NAALADL2: variants seen among roughly 807,000 people sequenced by gnomAD.
NAALADL2 encodes the protein inactive N-acetylated-alpha-linked acidic dipeptidase-like protein 2.
NAALADL2 carries 76 observed loss-of-function variants against 87.2 expected under a neutral mutation model. The observed-to-expected ratio is 0.87, with a 90% CI of 0.72 to 1.05. The LOEUF is 1.05. Ranked by LOEUF, NAALADL2 falls within the 50% of genes least tolerant of loss-of-function variation. The pLI is 0.00. For synonymous variants in NAALADL2, 354 were observed against 331.0 expected, an observed-to-expected ratio of 1.07 and a Z score of -0.75; for missense variants, 1,089 against 945.8, an observed-to-expected ratio of 1.15 and a Z score of -1.99.
intron 5 of NAALADL2, among the ~76,000 whole-genome samples, chr3:175,383,442 G>A (rs12638808): frequency 0.21 from 32,186 of 151,772 alleles, 4,110 homozygotes; most frequent in East Asian, 0.49. Flanking sequence ...AACATTCAAA[G>A]CCTACTCCTT....
At chr3:175,564,162 A>G (rs1716732576) in intron 9 of NAALADL2, among the ~76,000 whole-genome samples, 1 of 152,020 alleles carries the variant, frequency 6.6e-6, no homozygotes, top group Non-Finnish European at 1.5e-5. Flanking sequence ...GTGCCCTCCT[A>G]AAATTAAACG....
At chr3:175,494,420 G>A (rs111246595) in intron 9 of NAALADL2, among the ~76,000 whole-genome samples, 3,732 of 152,148 alleles carry the variant, frequency 0.025, 154 homozygotes, top group African/African-American at 0.081. Flanking sequence ...AAATAAACCT[G>A]TAGCTTCAGG....
chr3:174,834,834 A>T (rs538560308), intron 3 of NAALADL2, among the ~76,000 whole-genome samples: 1 of 126,234 alleles, frequency 7.9e-6, no homozygotes, highest in African/African-American at 2.9e-5. Flanking sequence ...GTTAGAAGAC[A>T]ATATTTTGAA....
At chr3:175,224,268 G>A (rs62285895) in intron 2 of NAALADL2, among the ~76,000 whole-genome samples, 61 of 152,026 alleles carry the variant, frequency 4.0e-4, no homozygotes, top group Non-Finnish European at 7.6e-4. Context: ...TGTTTCCAGC[G>A]GACTGTGATA....
At chr3:175,553,163 A>G (rs1714706405) in intron 9 of NAALADL2, among the ~76,000 whole-genome samples, 1 of 152,158 alleles carries the variant, frequency 6.6e-6, no homozygotes, top group African/African-American at 2.4e-5. Flanking sequence ...GAAATAACTC[A>G]TCTCATATCT....
chr3:175,639,571 C>T (rs991485226), intron 11 of NAALADL2, among the ~76,000 whole-genome samples: 4 of 151,980 alleles, frequency 2.6e-5, no homozygotes, highest in East Asian at 1.9e-4. Context: ...CCGCCCACCT[C>T]GGCCTCCCAA....
intron 3 of NAALADL2, among the ~76,000 whole-genome samples, chr3:174,845,853 T>C (rs1438220771): frequency 6.6e-6 from 1 of 152,146 alleles, no homozygotes; most frequent in Admixed American, 6.5e-5. Context: ...GCATGTTAAC[T>C]TAGTGGAATG....
rs192980349 is a variant in NAALADL2, at chr3:175,256,476, C to T, written c.885C>T (p.Asn295=). ...TAAAAAGGATTAGGAAAATAAAAAA[C>T]GTAACAAATCAGATCGCACTCCTGA... ...DDLKRIRKIK[N]VTNQIALLKL... is the part of the protein sequence containing the mutation. The change falls in exon 4 of 14, where the codon AAC becomes AAT. Residue 295 remains asparagine, a synonymous_variant. Transcript: ENST00000454872. 1.8e-3 allele frequency: 2,950 copies of T among 1,612,192 alleles called. 6 individuals carry two copies. The highest frequency in any genetic ancestry group is 2.2e-3 in the Non-Finnish European group (2,633 of 1,178,998).
At chr3:175,029,990 G>T (rs1752641737) in intron 1 of NAALADL2, among the ~76,000 whole-genome samples, 1 of 152,090 alleles carries the variant, frequency 6.6e-6, no homozygotes, top group Non-Finnish European at 1.5e-5. Flanking sequence ...CTATAATTGA[G>T]GAGGTTAGTG....
At chr3:174,539,990 A>G (rs923288730) in intron 1 of NAALADL2, among the ~76,000 whole-genome samples, 6 of 149,362 alleles carry the variant, frequency 4.0e-5, no homozygotes, top group Non-Finnish European at 8.9e-5. Context: ...AAAAAAAAAA[A>G]AAAAAAAAAA....
intron 1 of NAALADL2, among the ~76,000 whole-genome samples, chr3:174,901,053 T>A (rs1732243955): frequency 6.6e-6 from 1 of 152,182 alleles, no homozygotes; most frequent in South Asian, 2.1e-4. Flanking sequence ...TGTCCAACTG[T>A]ATGATAAAAT....
At chr3:175,644,365 A>T (rs1163062468) in intron 11 of NAALADL2, among the ~76,000 whole-genome samples, 1 of 152,024 alleles carries the variant, frequency 6.6e-6, no homozygotes, top group Admixed American at 6.6e-5. Flanking sequence ...CTGAGTAAAT[A>T]TTCTTATATT....
At chr3:174,911,827 A>G (rs2108303976) in intron 1 of NAALADL2, among the ~76,000 whole-genome samples, 1 of 152,202 alleles carries the variant, frequency 6.6e-6, no homozygotes, top group South Asian at 2.1e-4. Context: ...ATGTAGCCTC[A>G]AGTATGTAAG....
At chr3:175,044,539 G>C (rs1754450550) in intron 1 of NAALADL2, among the ~76,000 whole-genome samples, 1 of 151,966 alleles carries the variant, frequency 6.6e-6, no homozygotes. Flanking sequence ...TAAAAGTTTT[G>C]AGCTGCCACA....
chr3:175,243,270 A>G (rs1747277430), intron 3 of NAALADL2, among the ~76,000 whole-genome samples: 1 of 141,212 alleles, frequency 7.1e-6, no homozygotes, highest in Non-Finnish European at 1.5e-5. Context: ...TTCTGTTTTC[A>G]GCTACCTGCC....
intron 10 of NAALADL2, among the ~76,000 whole-genome samples, chr3:175,577,712 T>C (rs1719106875): frequency 6.6e-6 from 1 of 152,204 alleles, no homozygotes; most frequent in African/African-American, 2.4e-5. Context: ...TCCCCTATGC[T>C]TTATAATAAA....
chr3:175,787,002 G>C (rs1042932638), intron 13 of NAALADL2, among the ~76,000 whole-genome samples: 1 of 151,958 alleles, frequency 6.6e-6, no homozygotes, highest in Non-Finnish European at 1.5e-5. Context: ...CTGCTGGGGG[G>C]TGCCTCCCAG....
chr3:175,799,109 G>A (rs1319914193), intron 13 of NAALADL2, among the ~76,000 whole-genome samples: 1 of 151,994 alleles, frequency 6.6e-6, no homozygotes, highest in Non-Finnish European at 1.5e-5. Context: ...TCAAGGTATG[G>A]AGATAAAATG....
chr3:175,162,606 T>A (rs1322144160), intron 2 of NAALADL2, among the ~76,000 whole-genome samples: 2 of 152,094 alleles, frequency 1.3e-5, no homozygotes, highest in African/African-American at 4.8e-5. Context: ...TTGCACTACA[T>A]CCTCATACTG....
Sources: allele counts gnomAD v4.1 joint callset (sites outside exome capture counted in the v4.1 genomes callset), GRCh38; gene constraint gnomAD v4.1.1; transcripts MANE v1.5; gene names NCBI Gene and HGNC (gene_info 2026-07-23, HGNC 2026-07-21).